The following B4GALNT3 variants were observed in gnomAD, a reference collection of about 807,000 sequenced individuals.
B4GALNT3 encodes beta-1,4-N-acetylgalactosaminyltransferase 3.
Under a neutral mutation model 120.2 loss-of-function variants are expected in B4GALNT3, and 86 were observed. The observed-to-expected ratio is 0.72, with a 90% CI of 0.60 to 0.86. B4GALNT3 has a LOEUF of 0.86. Ranked by LOEUF, B4GALNT3 falls within the 40% of genes least tolerant of loss-of-function variation. The probability of loss-of-function intolerance (pLI) is 0.00; values close to 1 mark genes in which losing one functional copy is unlikely to be tolerated. For missense variants in B4GALNT3, 1,167 were observed against 1,298.9 expected, an observed-to-expected ratio of 0.90 and a Z score of 1.56; for synonymous variants, 518 against 510.4, an observed-to-expected ratio of 1.01 and a Z score of -0.20.
intron 1 of B4GALNT3, among the ~76,000 whole-genome samples, chr12:469,843 G>C (rs1358727383): frequency 1.3e-5 from 2 of 151,996 alleles, no homozygotes; most frequent in African/African-American, 4.8e-5. Context: ...TTAGAGATGG[G>C]GTCTCACTAT....
At chr12:549,202 C>T (rs181477760) in intron 9 of B4GALNT3, among the ~76,000 whole-genome samples, 23 of 152,262 alleles carry the variant, frequency 1.5e-4, no homozygotes, top group African/African-American at 5.3e-4. Flanking sequence ...GCCAGCCCCC[C>T]ACCCCCCTTC....
rs778059394 is a variant in B4GALNT3, at chr12:546,650, G to A, written c.644G>A (p.Gly215Glu). 13 of 1,551,302 alleles carry A rather than the reference G, an allele frequency of 8.4e-6. No homozygotes were observed. The highest frequency in any genetic ancestry group is 9.6e-6 in the Non-Finnish European group (11 of 1,146,798). ...TTCTCTCTTCCACACCTCTAGACTG[G>A]AAAGGAGTGGACCGCCCCGGGAGAG... ...LQLLASVGKT[G>E]KEWTAPGEFG... The change falls in exon 7 of 20, where the codon GGA becomes GAA. Residue 215 changes from glycine (G) to glutamate (E), a missense_variant. By Grantham distance (98) the Gly-to-Glu change is moderately conservative (BLOSUM62 -2). This residue lies in a region of B4GALNT3 where 983 missense variants were observed against 1,102.5 expected (regional missense o/e 0.89). Transcript: ENST00000266383.
chr12:477,193 G>C (rs1307898597), intron 1 of B4GALNT3, among the ~76,000 whole-genome samples: 1 of 152,184 alleles, frequency 6.6e-6, no homozygotes, highest in African/African-American at 2.4e-5. Flanking sequence ...CTTTTTGTTT[G>C]CTGAGGATGC....
rs141511387 is a variant in B4GALNT3 at position 550,500 on chromosome 12, AAAC to A, written c.998-419_998-417del. 4.9e-5 allele frequency among the ~76,000 whole-genome samples: 7 copies of A among 143,398 alleles called. No homozygotes were observed. The highest frequency in any genetic ancestry group is 1.8e-4 in the African/African-American group (7 of 39,294). 94.1% of individuals were successfully genotyped at this position (143,398 alleles called of 152,430 possible). On this transcript the variant is annotated intron_variant, in intron 10 of 19. Transcript: ENST00000266383. This position sits in a 1 kb window ranked among gnomAD's most constrained non-coding sequence, Gnocchi z 4.1. ...TGAGATCCTGTCAAAAAAAACAAAC[AAAC>A]AAAAAAAACAACAAAGTTTCTTTAC...
chr12:461,029 A>G (rs1236371522), intron 1 of B4GALNT3, among the ~76,000 whole-genome samples: 1 of 151,294 alleles, frequency 6.6e-6, no homozygotes, highest in Non-Finnish European at 1.5e-5. Flanking sequence ...TGTTTGGCTC[A>G]CTCCGTTTCC....
rs182738562 is a variant in B4GALNT3, at chr12:529,200, C to T, written c.170-5966C>T. On this transcript the variant is annotated intron_variant, in intron 1 of 19. Transcript: ENST00000266383. ...TCAGAAAGACCTTTCCGCATCTCCC[C>T]CTGTAGGTGTCACCCCCACACCCAC... 4.3e-3 allele frequency among the ~76,000 whole-genome samples: 658 copies of T among 152,294 alleles called. 1 individual carries two copies. Among genetic ancestry groups the T allele is most frequent in the African/African-American group, 0.015 (632 of 41,548 alleles).
At chr12:497,888 T>C (rs1946402836) in intron 1 of B4GALNT3, among the ~76,000 whole-genome samples, 1 of 152,148 alleles carries the variant, frequency 6.6e-6, no homozygotes, top group Non-Finnish European at 1.5e-5. Flanking sequence ...TTTGATTCTT[T>C]ACCCTAACCA....
At chr12:472,052 G>T (rs1946142385) in intron 1 of B4GALNT3, among the ~76,000 whole-genome samples, 1 of 152,192 alleles carries the variant, frequency 6.6e-6, no homozygotes, top group Non-Finnish European at 1.5e-5. Flanking sequence ...TTATTCGGGT[G>T]TGTGTGTCTA....
chr12:561,610 G>A lies in B4GALNT3; in HGVS notation c.*159G>A. On this transcript the variant is annotated 3_prime_UTR_variant, in exon 20 of 20. Transcript: ENST00000266383. ...CCACCTGGAGCTGTCCCCTCACAGA[G>A]GCAGGTTCCGGGGCTCCTGTCTCTG... 1 of 609,318 alleles carries A rather than the reference G, an allele frequency of 1.6e-6. No individual in the cohort carries two copies. The highest frequency in any genetic ancestry group is 2.9e-6 in the Non-Finnish European group (1 of 348,496). The allele number at this position is 609,318 out of a possible 1,614,324, so 37.7% of individuals were successfully genotyped here.
chr12:485,552 C>T (rs562845897), intron 1 of B4GALNT3, among the ~76,000 whole-genome samples: 1 of 152,058 alleles, frequency 6.6e-6, no homozygotes, highest in South Asian at 2.1e-4. Flanking sequence ...ACCTCAGGGT[C>T]GATAGACCCA....
intron 3 of B4GALNT3, 42 bp downstream of exon 3, chr12:536,337 A>C (rs1487542578): frequency 6.6e-7 from 1 of 1,506,260 alleles, no homozygotes; most frequent in East Asian, 2.3e-5. Flanking sequence ...AGAGAGCTAA[A>C]AAATAATGTT....
rs957547609 is a variant in B4GALNT3 at position 506,843 on chromosome 12, A to G, written c.170-28323A>G. Among the ~76,000 whole-genome samples the G allele has an allele frequency of 3.3e-5, 5 of 152,284 alleles. No homozygotes were observed. The South Asian group carries it at 6.2e-4, about 19-fold the overall frequency. On this transcript the variant is annotated intron_variant, in intron 1 of 19. Transcript: ENST00000266383. ...AGTAGAGACGGGGTTTCACCGTGTT[A>G]GCCAGGATGGTCTCGATCTCCTGAC...
At position 556,818 on chromosome 12, in the gene B4GALNT3, CAG is replaced by C. The variant is rs1947161492; in HGVS notation, c.2333_2334del (p.Gln778ArgfsTer39). ...RAQEPKLCWP[Q>X]GFSWSHRAVV... ...CCAAGAGCCCAAGCTGTGCTGGCCT[CAG>C]GGTTTCTCCTGGAGTCACCGAGCCG... On this transcript the variant is annotated frameshift_variant, in exon 15 of 20. Coordinates refer to ENST00000266383, the MANE Select transcript of B4GALNT3 (RefSeq NM_173593.4). LOFTEE classifies it high-confidence loss of function. The C allele has an allele frequency of 1.2e-6, 2 of 1,613,440 alleles. No homozygotes were observed. Among genetic ancestry groups the C allele is most frequent in the Non-Finnish European group, 1.7e-6 (2 of 1,179,732 alleles).
At chr12:538,204 A>G (rs1946880393) in intron 3 of B4GALNT3, among the ~76,000 whole-genome samples, 1 of 152,150 alleles carries the variant, frequency 6.6e-6, no homozygotes, top group Non-Finnish European at 1.5e-5. Context: ...GTTTTTGCCA[A>G]TCAAGGCCAT....
In B4GALNT3 at chr12:558,094, G is replaced by C. The variant is rs1250958661; in HGVS notation, c.2607+6G>C. The C allele has an allele frequency of 1.9e-6, 3 of 1,613,402 alleles. No individual in the cohort carries two copies. The African/African-American group carries it at 4.0e-5, about 22-fold the overall frequency. On this transcript the variant is annotated splice_donor_region_variant and intron_variant, in intron 17 of 19. Transcript: ENST00000266383. ...CTGGCATAGACCTCGTGAAGGTAAA[G>C]GGCCTGGATGGGGCCTGCGAGATGG...
At position 460,607 on chromosome 12, in the gene B4GALNT3, T is replaced by A; in HGVS notation, c.169+62T>A. On this transcript the variant is annotated intron_variant, in intron 1 of 19. Coordinates refer to ENST00000266383, the MANE Select transcript of B4GALNT3 (RefSeq NM_173593.4). This position sits in a 1 kb window ranked among gnomAD's most constrained non-coding sequence, Gnocchi z 8.0. Reference sequence around the variant, plus strand: ...TGGGCGGCGGCGGCGGCTCCTGCGTTGGGGGGACCCGCCTCTCATCCCATC... The same window carrying A: ...TGGGCGGCGGCGGCGGCTCCTGCGTAGGGGGGACCCGCCTCTCATCCCATC... 1 of 1,278,600 alleles carries A rather than the reference T, an allele frequency of 7.8e-7. No homozygotes were observed. Among genetic ancestry groups the A allele is most frequent in the Non-Finnish European group, 1.0e-6 (1 of 999,770 alleles). 79.2% of individuals were successfully genotyped at this position (1,278,600 alleles called of 1,614,324 possible).
At chr12:512,078 A>G (rs1946579409) in intron 1 of B4GALNT3, among the ~76,000 whole-genome samples, 1 of 72,022 alleles carries the variant, frequency 1.4e-5, no homozygotes, top group Non-Finnish European at 2.7e-5. Flanking sequence ...TCAACCTTCC[A>G]CCTTCGACCT....
At position 550,076 on chromosome 12, in the gene B4GALNT3, TAAATAAGTATAAAATATTTAC is replaced by T. The variant is rs1280558772; in HGVS notation, c.997+165_997+185del. Among the ~76,000 whole-genome samples, 1 of 152,230 alleles carries T rather than the reference TAAATAAGTATAAAATATTTAC, an allele frequency of 6.6e-6. No individual in the cohort carries two copies. Among genetic ancestry groups the T allele is most frequent in the African/African-American group, 2.4e-5 (1 of 41,448 alleles). On this transcript the variant is annotated intron_variant, in intron 10 of 19. Transcript: ENST00000266383. The surrounding 1 kb of genome is among the most constrained non-coding windows in gnomAD (Gnocchi z 4.1). Reference sequence around the variant, plus strand: ...ACATGCATACAGAAAAGAGAGCATGTAAATAAGTATAAAATATTTACGTGTAATTTTACAATTCTGCATATC... The same window carrying T: ...ACATGCATACAGAAAAGAGAGCATGTGTGTAATTTTACAATTCTGCATATC...
At position 556,530 on chromosome 12, in the gene B4GALNT3, C is replaced by T. The variant is rs1947157898; in HGVS notation, c.2061-17C>T. ...GTGGAAAGGAACCACTCAGCCTCCCCACACTTTCTGCCATAGGAGGTACCA... is the reference window on the plus strand; with the variant it reads ...GTGGAAAGGAACCACTCAGCCTCCCTACACTTTCTGCCATAGGAGGTACCA... On this transcript the variant is annotated splice_polypyrimidine_tract_variant and intron_variant, in intron 14 of 19. Coordinates refer to ENST00000266383, the MANE Select transcript of B4GALNT3 (RefSeq NM_173593.4). 1 of 1,601,898 alleles carries T rather than the reference C, an allele frequency of 6.2e-7. No homozygotes were observed. Among genetic ancestry groups the T allele is most frequent in the African/African-American group, 1.3e-5 (1 of 74,774 alleles).
Sources: allele counts gnomAD v4.1 joint callset (sites outside exome capture counted in the v4.1 genomes callset), GRCh38; gene constraint gnomAD v4.1.1; regional missense constraint gnomAD v4.1.1; non-coding constraint Gnocchi (gnomAD v3.1); transcripts MANE v1.5; gene names NCBI Gene and HGNC (gene_info 2026-07-23, HGNC 2026-07-21).